Variants in FAM227B observed in about 807,000 individuals in gnomAD.
The protein encoded by FAM227B is family with sequence similarity 227 member B, also known as protein FAM227B.
FAM227B carries 88 observed loss-of-function variants against 73.8 expected under a neutral mutation model. The ratio of observed to expected loss-of-function variants is 1.19; its 90% CI spans 1.00 to 1.42. The LOEUF is 1.42. Ranked by LOEUF, FAM227B falls within the 40% of genes most tolerant of loss-of-function variation. The pLI, the probability that FAM227B is intolerant of heterozygous loss-of-function variation, is 0.00. For missense variants in FAM227B, 632 were observed against 590.9 expected (o/e 1.07, Z -0.72); for synonymous variants, 210 against 190.5 (o/e 1.10, Z -0.84).
intron 11 of FAM227B, among the ~76,000 whole-genome samples, chr15:49,491,514 C>T (rs1207337077): frequency 6.6e-6 from 1 of 151,854 alleles, no homozygotes; most frequent in African/African-American, 2.4e-5. Context: ...GATTCTGCCT[C>T]TGAGTTTTGT....
intron 10 of FAM227B, among the ~76,000 whole-genome samples, chr15:49,538,185 G>A (rs1598009391): frequency 6.6e-6 from 1 of 152,166 alleles, no homozygotes; most frequent in Non-Finnish European, 1.5e-5. Flanking sequence ...GTTGACACTT[G>A]AAGAATATAA....
At chr15:49,598,046 AAAG>A (rs2076981753) in intron 3 of FAM227B, among the ~76,000 whole-genome samples, 1 of 152,000 alleles carries the variant, frequency 6.6e-6, no homozygotes, top group South Asian at 2.1e-4. Flanking sequence ...TTAGATATTC[AAAG>A]AAGAATTGGT....
intron 3 of FAM227B, among the ~76,000 whole-genome samples, chr15:49,590,355 A>T (rs1296839519): frequency 4.5e-4 from 69 of 152,182 alleles, no homozygotes; most frequent in Non-Finnish European, 1.2e-4. Context: ...CAAAGACTCT[A>T]TTCAAGTTTC....
chr15:49,366,085 T>G (rs1397676980), intron 13 of FAM227B: 24 of 846,418 alleles, frequency 2.8e-5, no homozygotes, highest in Non-Finnish European at 4.6e-5. Flanking sequence ...CAGTTGTCAC[T>G]GCTTTCAAGT....
intron 10 of FAM227B, among the ~76,000 whole-genome samples, chr15:49,527,120 G>A (rs1187137717): frequency 1.3e-5 from 2 of 151,748 alleles, no homozygotes; most frequent in African/African-American, 2.4e-5. Flanking sequence ...TGATGAACAC[G>A]GATGTAAAAA....
At chr15:49,566,474 G>T (rs1253199379) in intron 9 of FAM227B, among the ~76,000 whole-genome samples, 1 of 152,096 alleles carries the variant, frequency 6.6e-6, no homozygotes, top group Non-Finnish European at 1.5e-5. Context: ...CTGGAAGAAA[G>T]GAAAATAAAA....
Position 49,551,237 on chromosome 15 carries a change from G to C in FAM227B, c.748-9431C>G, listed in dbSNP as rs569321483. On this transcript the variant is annotated intron_variant, in intron 9 of 15. Transcript: ENST00000299338. The stretch of plus-strand genomic sequence containing the variant: ...AGTGGGCCGAGATGGCAGCAGTACA[G>C]TCCAGCTTTGGCTCAGCATGAGGGA... 1.8e-3 allele frequency among the ~76,000 whole-genome samples: 270 copies of C among 151,994 alleles called. 2 individuals carry two copies. The highest frequency in any genetic ancestry group is 6.1e-3 in the African/African-American group (253 of 41,458).
At chr15:49,615,833 C>T (rs1338172088) in intron 1 of FAM227B, among the ~76,000 whole-genome samples, 1 of 151,924 alleles carries the variant, frequency 6.6e-6, no homozygotes, top group African/African-American at 2.4e-5. Context: ...AAGAAATGGA[C>T]AAGGGAAGGC....
At chr15:49,548,763 G>A (rs1318540644) in intron 9 of FAM227B, among the ~76,000 whole-genome samples, 1 of 152,082 alleles carries the variant, frequency 6.6e-6, no homozygotes, top group African/African-American at 2.4e-5. Context: ...GTAATATTTA[G>A]AAATCTGTCA....
intron 3 of FAM227B, among the ~76,000 whole-genome samples, chr15:49,593,095 G>A (rs1344803976): frequency 6.6e-6 from 1 of 152,172 alleles, no homozygotes; most frequent in Admixed American, 6.5e-5. Flanking sequence ...GTCTGTCACG[G>A]CTTCCCTTGA....
chr15:49,474,220 A>G (rs949891510), intron 11 of FAM227B, among the ~76,000 whole-genome samples: 5 of 152,172 alleles, frequency 3.3e-5, no homozygotes, highest in Non-Finnish European at 5.9e-5. Context: ...TCTTGCTGAG[A>G]TACTTATTTT....
At chr15:49,489,843 A>ATATATATATATATATTT (rs1282593503) in intron 11 of FAM227B, among the ~76,000 whole-genome samples, 8 of 14,470 alleles carry the variant, frequency 5.5e-4, no homozygotes, top group Admixed American at 1.5e-3. Flanking sequence ...TATATATTTT[A>ATATATATATATATATTT]TATATATATA....
intron 1 of FAM227B, among the ~76,000 whole-genome samples, chr15:49,616,447 A>AT (rs994916471): frequency 3.6e-4 from 53 of 148,084 alleles, no homozygotes; most frequent in East Asian, 1.8e-3. Context: ...AGAAAGAGTG[A>AT]TTTTTTTTTT....
At chr15:49,384,628 C>T (rs1331486841) in intron 11 of FAM227B, among the ~76,000 whole-genome samples, 1 of 151,958 alleles carries the variant, frequency 6.6e-6, no homozygotes, top group Admixed American at 6.6e-5. Context: ...ATTAAACAGT[C>T]ATATTATACC....
chr15:49,371,437 A>G (rs910515288), intron 11 of FAM227B, 38 bp from the exon 12 acceptor site: 3 of 1,298,790 alleles, frequency 2.3e-6, no homozygotes, highest in African/African-American at 1.5e-5. Flanking sequence ...AAATTCTGGT[A>G]TTTTTTTCCT....
intron 11 of FAM227B, among the ~76,000 whole-genome samples, chr15:49,505,536 T>C (rs1243337943): frequency 6.6e-6 from 1 of 152,134 alleles, no homozygotes; most frequent in Non-Finnish European, 1.5e-5. Flanking sequence ...TATGTAACTA[T>C]ACTGCTCCAA....
chr15:49,448,255 T>C (rs1460816899), intron 11 of FAM227B, among the ~76,000 whole-genome samples: 1 of 151,752 alleles, frequency 6.6e-6, no homozygotes, highest in Non-Finnish European at 1.5e-5. Flanking sequence ...TTCTGTTTTT[T>C]CTACATCTCC....
intron 13 of FAM227B, among the ~76,000 whole-genome samples, chr15:49,352,597 T>C (rs1156585715): frequency 6.6e-6 from 1 of 152,218 alleles, no homozygotes. Context: ...TTCTGTGTTA[T>C]GCATAATTTT....
At chr15:49,417,977 A>T (rs2049332450) in intron 11 of FAM227B, among the ~76,000 whole-genome samples, 1 of 152,246 alleles carries the variant, frequency 6.6e-6, no homozygotes, top group Admixed American at 6.5e-5. Flanking sequence ...ATTTATAAGC[A>T]AAACCAAACA....
Sources: allele counts gnomAD v4.1 joint callset (sites outside exome capture counted in the v4.1 genomes callset), GRCh38; gene constraint gnomAD v4.1.1; transcripts MANE v1.5; gene names NCBI Gene and HGNC (gene_info 2026-07-23, HGNC 2026-07-21).